Variants in RBFOX1 observed in about 807,000 individuals in gnomAD.
RBFOX1 encodes the protein RNA binding protein fox-1 homolog 1.
A neutral mutation model predicts 57.7 loss-of-function variants in RBFOX1; 8 were observed. The observed-to-expected ratio is 0.14, with a 90% CI of 0.08 to 0.25. RBFOX1 has a LOEUF of 0.25. Ranked by LOEUF, RBFOX1 falls within the 10% of genes least tolerant of loss-of-function variation. The pLI is 1.00. For missense variants in RBFOX1, 611 were observed against 548.5 expected (o/e 1.11, Z -1.14); for synonymous variants, 326 against 222.4 (o/e 1.47, Z -4.15).
chr16:7,666,379 A>G (rs1243466035), intron 13 of RBFOX1, among the ~76,000 whole-genome samples: 1 of 117,710 alleles, frequency 8.5e-6, no homozygotes, highest in Non-Finnish European at 1.7e-5. Context: ...CTCCAGCAAC[A>G]CCTACCCAAG....
In RBFOX1 at chr16:7,246,018, G is replaced by A. The variant is rs529676430; in HGVS notation, c.27+193920G>A. Reference sequence around the variant, plus strand: ...AATTTGTTTTTCCACTTCAAGTGTGGCACAAATTATCACCCACCTTAGATG... The same window carrying A: ...AATTTGTTTTTCCACTTCAAGTGTGACACAAATTATCACCCACCTTAGATG... On this transcript the variant is annotated intron_variant, in intron 4 of 15. Transcript: ENST00000550418. Among the ~76,000 whole-genome samples, 30 of 152,264 alleles carry A rather than the reference G, an allele frequency of 2.0e-4. No individual in the cohort carries two copies. In the East Asian group the frequency reaches 3.5e-3, roughly 18 times the overall value.
intron 12 of RBFOX1, among the ~76,000 whole-genome samples, chr16:7,656,461 TCTTGTGTTCAGGGAGAGCAAGAACCC>T (rs1300698272): frequency 7.3e-5 from 11 of 151,656 alleles, no homozygotes; most frequent in African/African-American, 2.7e-4. Flanking sequence ...AGAACCCCTA[TCTTGTGTTCAGGGAGAGCAAGAACCC>T]CTATGTTGTG....
chr16:7,234,826 A>T (rs2093689315), intron 4 of RBFOX1, among the ~76,000 whole-genome samples: 1 of 152,018 alleles, frequency 6.6e-6, no homozygotes, highest in East Asian at 1.9e-4. Flanking sequence ...AAGGCACCCC[A>T]TTTTTGGTAC....
chr16:7,046,924 C>T (rs57803601), intron 3 of RBFOX1, among the ~76,000 whole-genome samples: 17,706 of 151,816 alleles, frequency 0.12, 1,738 homozygotes, highest in East Asian at 0.29. Context: ...GTTTAACTTC[C>T]GTATTGTATA....
chr16:6,829,520 C>A (rs963356071), intron 3 of RBFOX1, among the ~76,000 whole-genome samples: 1 of 149,872 alleles, frequency 6.7e-6, no homozygotes, highest in Admixed American at 6.7e-5. Flanking sequence ...CTTATAGGTA[C>A]TTAGTATGAC....
intron 1 of RBFOX1, among the ~76,000 whole-genome samples, chr16:5,407,039 G>T (rs2066886869): frequency 6.6e-6 from 1 of 152,174 alleles, no homozygotes; most frequent in African/African-American, 2.4e-5. Flanking sequence ...AAAAGGCAGA[G>T]GTTTAGTTGA....
intron 4 of RBFOX1, among the ~76,000 whole-genome samples, chr16:7,515,027 A>G (rs1019610435): frequency 1.3e-5 from 2 of 152,114 alleles, no homozygotes; most frequent in African/African-American, 4.8e-5. Flanking sequence ...TCTACCTTTC[A>G]CTTCAGAGAT....
chr16:6,904,582 C>A (rs946574665), intron 3 of RBFOX1, among the ~76,000 whole-genome samples: 1 of 110,922 alleles, frequency 9.0e-6, no homozygotes. Flanking sequence ...GCCTGGGTGA[C>A]AGAGTGAGAC....
intron 5 of RBFOX1, among the ~76,000 whole-genome samples, chr16:7,529,806 C>T (rs987101249): frequency 1.6e-4 from 25 of 151,834 alleles, no homozygotes; most frequent in African/African-American, 5.8e-4. Flanking sequence ...GTCAGGAGTT[C>T]GAGACCAGCC....
intron 2 of RBFOX1, among the ~76,000 whole-genome samples, chr16:6,397,829 T>G (rs2092903973): frequency 6.6e-6 from 1 of 152,138 alleles, no homozygotes. Flanking sequence ...TGTGTTAAGA[T>G]TACATAGTTA....
chr16:6,850,300 A>G (rs2093994778), intron 3 of RBFOX1, among the ~76,000 whole-genome samples: 1 of 152,214 alleles, frequency 6.6e-6, no homozygotes, highest in Non-Finnish European at 1.5e-5. Flanking sequence ...ACAAATATTG[A>G]CAGGTACGAT....
At chr16:5,535,208 C>T (rs967511520) in intron 2 of RBFOX1, among the ~76,000 whole-genome samples, 4 of 152,152 alleles carry the variant, frequency 2.6e-5, no homozygotes, top group African/African-American at 9.7e-5. Flanking sequence ...ATTTCAAGTG[C>T]TCAGTAGCCA....
intron 4 of RBFOX1, among the ~76,000 whole-genome samples, chr16:7,385,311 G>T (rs989464835): frequency 6.6e-6 from 1 of 152,186 alleles, no homozygotes; most frequent in Non-Finnish European, 1.5e-5. Flanking sequence ...TCCAGGCAAG[G>T]GGTCATAGTG....
chr16:5,898,270 G>A (rs909700794), intron 4 of RBFOX1, among the ~76,000 whole-genome samples: 1 of 152,120 alleles, frequency 6.6e-6, no homozygotes, highest in Admixed American at 6.5e-5. Flanking sequence ...CATGACACGT[G>A]GGGTTTATGG....
intron 3 of RBFOX1, among the ~76,000 whole-genome samples, chr16:5,699,351 A>G (rs2050952896): frequency 7.4e-6 from 1 of 135,454 alleles, no homozygotes; most frequent in South Asian, 2.5e-4. Context: ...TTATTAAACT[A>G]TATTTTCCCT....
At chr16:7,691,902 T>TA (rs1479456070) in intron 14 of RBFOX1, among the ~76,000 whole-genome samples, 3 of 152,180 alleles carry the variant, frequency 2.0e-5, no homozygotes, top group Non-Finnish European at 4.4e-5. Flanking sequence ...GTAGCATTCT[T>TA]AGGAGCATTC....
chr16:7,231,982 G>C (rs1161574077), intron 4 of RBFOX1, among the ~76,000 whole-genome samples: 1 of 152,136 alleles, frequency 6.6e-6, no homozygotes, highest in African/African-American at 2.4e-5. Context: ...CTAGATAGGG[G>C]TGGTGGTTGC....
chr16:6,869,052 T>A (rs779048111), intron 3 of RBFOX1, among the ~76,000 whole-genome samples: 12 of 152,182 alleles, frequency 7.9e-5, no homozygotes, highest in Non-Finnish European at 1.8e-4. Context: ...ATGGTACGAA[T>A]GAGAAATAAA....
chr16:7,006,703 C>G (rs533165944), intron 3 of RBFOX1, among the ~76,000 whole-genome samples: 3 of 152,194 alleles, frequency 2.0e-5, no homozygotes, highest in Admixed American at 1.3e-4. Context: ...CTTCCTTGGT[C>G]TCCCAATGTG....
Sources: gnomAD v4.1 joint callset for allele counts (sites outside exome capture counted in the v4.1 genomes callset) on GRCh38, gnomAD v4.1.1 for gene constraint, MANE v1.5 for transcripts, NCBI Gene and HGNC (gene_info 2026-07-23, HGNC 2026-07-21) for gene names.